DOCK4: variants seen among roughly 807,000 people sequenced by gnomAD.
The protein encoded by DOCK4 is dedicator of cytokinesis protein 4.
A neutral mutation model predicts 268.1 loss-of-function variants in DOCK4; 97 were observed. That is an observed-to-expected ratio of 0.36 (90% CI 0.31 to 0.43). The LOEUF (loss-of-function observed/expected upper bound fraction) is 0.43, where lower values mean the gene tolerates loss of function less well. Among genes scored for constraint, DOCK4 ranks in the 20% least tolerant of loss-of-function variants. The pLI is 1.00. For missense variants in DOCK4, 2,145 were observed against 2,455.7 expected (o/e 0.87, Z 2.67); for synonymous variants, 954 against 887.2 (o/e 1.08, Z -1.34).
At chr7:112,027,098 C>T (rs1295433060) in intron 1 of DOCK4, among the ~76,000 whole-genome samples, 1 of 152,148 alleles carries the variant, frequency 6.6e-6, no homozygotes, top group Admixed American at 6.5e-5. Flanking sequence ...ATAATTCAAC[C>T]TCACAAATAC....
chr7:112,175,153 G>A (rs1480000001), intron 1 of DOCK4, among the ~76,000 whole-genome samples: 2 of 151,814 alleles, frequency 1.3e-5, no homozygotes, highest in Non-Finnish European at 2.9e-5. Context: ...GTGAGTCACC[G>A]CGCCCAGCCC....
intron 28 of DOCK4, among the ~76,000 whole-genome samples, chr7:111,809,742 T>C (rs1466561365): frequency 6.6e-6 from 1 of 152,238 alleles, no homozygotes; most frequent in Non-Finnish European, 1.5e-5. Flanking sequence ...TCTCTTGTAA[T>C]ATGTCTGAGT....
intron 46 of DOCK4, 135 bp downstream of exon 46, chr7:111,741,405 G>A (rs1795906168): frequency 2.8e-6 from 4 of 1,414,848 alleles, no homozygotes; most frequent in Non-Finnish European, 3.8e-6. Context: ...GCAGAGGTCT[G>A]CAGCTGCCTC....
At chr7:111,739,709 CTG>C (rs767804579) in intron 47 of DOCK4, 58 of 529,832 alleles carry the variant, frequency 1.1e-4, no homozygotes, top group Admixed American at 1.9e-4. Flanking sequence ...CAGCTATACA[CTG>C]TGACTTCGTA....
intron 1 of DOCK4, among the ~76,000 whole-genome samples, chr7:112,105,094 G>T (rs1811018849): frequency 6.6e-6 from 1 of 151,808 alleles, no homozygotes; most frequent in Non-Finnish European, 1.5e-5. Flanking sequence ...CATATTGAGT[G>T]CATTTTTCTG....
chr7:112,122,768 T>C (rs1191390336), intron 1 of DOCK4, among the ~76,000 whole-genome samples: 1 of 152,250 alleles, frequency 6.6e-6, no homozygotes, highest in African/African-American at 2.4e-5. Flanking sequence ...AGTTTTTTTG[T>C]CTGCTTTAAT....
At chr7:112,010,343 T>C (rs1205723007) in intron 1 of DOCK4, among the ~76,000 whole-genome samples, 1 of 152,228 alleles carries the variant, frequency 6.6e-6, no homozygotes, top group Admixed American at 6.5e-5. Context: ...AGATTTCTTT[T>C]GGTACTGTCA....
intron 4 of DOCK4, among the ~76,000 whole-genome samples, chr7:111,994,908 ATTTC>A (rs1029788013): frequency 6.6e-6 from 1 of 152,078 alleles, no homozygotes; most frequent in Non-Finnish European, 1.5e-5. Flanking sequence ...TAGTCTTCTC[ATTTC>A]TTCTCTAAAA....
chr7:111,789,070 G>C (rs997588164), intron 31 of DOCK4: 2 of 347,688 alleles, frequency 5.8e-6, no homozygotes, highest in South Asian at 4.1e-5. Flanking sequence ...GGCAAGTCCT[G>C]TTTCTTTTTT....
rs1483829169 is a variant in DOCK4, at chr7:111,727,027, T to C, written c.*1247A>G. 1 of 152,630 alleles carries C rather than the reference T, an allele frequency of 6.6e-6. No individual in the cohort carries two copies. Among genetic ancestry groups the C allele is most frequent in the Non-Finnish European group, 1.5e-5 (1 of 68,036 alleles). 9.5% of individuals were successfully genotyped at this position (152,630 alleles called of 1,614,324 possible). A position where few individuals can be genotyped will look rare whatever the true frequency, so the allele number is the denominator to read the frequency against. On this transcript the variant is annotated 3_prime_UTR_variant, in exon 53 of 53. Coordinates refer to ENST00000428084, the MANE Select transcript of DOCK4 (RefSeq NM_001363540.2). The stretch of plus-strand genomic sequence containing the variant: ...ACAGTATGATTTAAAATACAGTTCA[T>C]ATCTATTGTCAATTGAGTGTTATAA...
intron 16 of DOCK4, among the ~76,000 whole-genome samples, chr7:111,885,718 G>A (rs1274109151): frequency 1.3e-5 from 2 of 150,668 alleles, no homozygotes; most frequent in African/African-American, 2.4e-5. Context: ...AAAATGGCAT[G>A]GAGATAATTT....
At chr7:112,042,101 G>A (rs1407410410) in intron 1 of DOCK4, among the ~76,000 whole-genome samples, 1 of 151,946 alleles carries the variant, frequency 6.6e-6, no homozygotes, top group Non-Finnish European at 1.5e-5. Context: ...CAGCCACTGC[G>A]CTCCAGCCTG....
intron 1 of DOCK4, among the ~76,000 whole-genome samples, chr7:112,202,135 T>G (rs991468713): frequency 1.3e-5 from 2 of 152,252 alleles, no homozygotes; most frequent in African/African-American, 4.8e-5. Flanking sequence ...TTTTGAGAAC[T>G]GCTTCAATGA....
intron 23 of DOCK4, among the ~76,000 whole-genome samples, chr7:111,854,942 C>G (rs1353104938): frequency 6.6e-6 from 1 of 152,164 alleles, no homozygotes. Flanking sequence ...AGAAGCAAAA[C>G]ACAGTGTACT....
chr7:111,932,615 T>TA lies in DOCK4; in HGVS notation c.1066+2924dup, dbSNP rs913391380. ...TTCCCTAGTAACCATGTCAAAAAAG[T>TA]AAAAAAAAAAATTTAATAGCATACA... On this transcript the variant is annotated intron_variant, in intron 12 of 52. Transcript: ENST00000428084. Among the ~76,000 whole-genome samples, 161 of 147,374 alleles carry TA rather than the reference T, an allele frequency of 1.1e-3. 1 individual carries two copies. Among genetic ancestry groups the TA allele is most frequent in the African/African-American group, 3.2e-3 (130 of 40,318 alleles).
chr7:111,765,438 G>A (rs776623104), intron 38 of DOCK4, among the ~76,000 whole-genome samples: 11 of 152,062 alleles, frequency 7.2e-5, no homozygotes, highest in Non-Finnish European at 1.2e-4. Context: ...AGGCCATATC[G>A]TCTCTTCACA....
At chr7:112,086,743 C>G (rs60110614) in intron 1 of DOCK4, among the ~76,000 whole-genome samples, 1 of 152,102 alleles carries the variant, frequency 6.6e-6, no homozygotes, top group East Asian at 1.9e-4. Context: ...CAGAGTTTTA[C>G]GCTGAGCCAA....
chr7:111,993,017 T>C (rs963656320), intron 5 of DOCK4, among the ~76,000 whole-genome samples: 7 of 152,368 alleles, frequency 4.6e-5, no homozygotes, highest in Non-Finnish European at 1.0e-4. Flanking sequence ...ACAAAACCTA[T>C]GCTCCGCCAA....
intron 1 of DOCK4, among the ~76,000 whole-genome samples, chr7:112,023,917 C>G (rs980651005): frequency 1.3e-5 from 2 of 152,188 alleles, no homozygotes; most frequent in African/African-American, 4.8e-5. Flanking sequence ...CACATTACTG[C>G]CAGCCAGCAG....
Sources: gnomAD v4.1 joint callset for allele counts (sites outside exome capture counted in the v4.1 genomes callset) on GRCh38, gnomAD v4.1.1 for gene constraint, MANE v1.5 for transcripts, NCBI Gene and HGNC (gene_info 2026-07-23, HGNC 2026-07-21) for gene names.